Variants in STK32A observed in about 807,000 individuals in gnomAD.
STK32A encodes the protein serine/threonine-protein kinase 32A.
STK32A carries 41 observed loss-of-function variants against 53.2 expected under a neutral mutation model. The ratio of observed to expected loss-of-function variants is 0.77; its 90% CI spans 0.60 to 1.00. STK32A has a LOEUF of 1.00. Ranked by LOEUF, STK32A falls within the 50% of genes least tolerant of loss-of-function variation. STK32A has a pLI of 0.00. For missense variants in STK32A, 458 were observed against 485.8 expected (o/e 0.94, Z 0.54); for synonymous variants, 166 against 162.8 (o/e 1.02, Z -0.15).
intron 4 of STK32A, among the ~76,000 whole-genome samples, chr5:147,307,294 T>C (rs1303649858): frequency 6.6e-6 from 1 of 152,020 alleles, no homozygotes; most frequent in Non-Finnish European, 1.5e-5. Flanking sequence ...AATCTTTTTC[T>C]TTATGCGTAG....
intron 4 of STK32A, among the ~76,000 whole-genome samples, chr5:147,283,493 AT>A (rs1181218956): frequency 6.6e-6 from 1 of 152,026 alleles, no homozygotes; most frequent in Non-Finnish European, 1.5e-5. Context: ...AGAAAGATAA[AT>A]AAAACAAAAA....
intron 4 of STK32A, among the ~76,000 whole-genome samples, chr5:147,303,024 T>C (rs1753215009): frequency 6.6e-6 from 1 of 152,146 alleles, no homozygotes; most frequent in South Asian, 2.1e-4. Context: ...TAGAGGAATC[T>C]ATACAAATTA....
At chr5:147,395,320 A>C in the STK32A span, among the ~76,000 whole-genome samples, 6 of 152,200 alleles carry the variant, frequency 3.9e-5, no homozygotes, top group African/African-American at 1.4e-4. Context: ...TCTAGGCAGA[A>C]TCAGTTACCA....
intron 2 of STK32A, among the ~76,000 whole-genome samples, chr5:147,249,746 C>G (rs1301994422): frequency 6.6e-6 from 1 of 151,572 alleles, no homozygotes. Flanking sequence ...AACCTTGACT[C>G]TACTAAAAAT....
intron 6 of STK32A, among the ~76,000 whole-genome samples, chr5:147,347,015 A>G (rs189141237): frequency 4.6e-5 from 7 of 152,220 alleles, no homozygotes; most frequent in African/African-American, 1.7e-4. Flanking sequence ...TGTAGAATAC[A>G]GTAACTTATC....
intron 4 of STK32A, among the ~76,000 whole-genome samples, chr5:147,295,842 T>TA (rs77093177): frequency 0.29 from 43,444 of 151,170 alleles, 6,439 homozygotes; most frequent in South Asian, 0.51. Context: ...TGAAACAAAG[T>TA]AAAAAAAAAT....
At chr5:147,340,019 T>C (rs1755327104) in intron 5 of STK32A, among the ~76,000 whole-genome samples, 1 of 152,208 alleles carries the variant, frequency 6.6e-6, no homozygotes, top group Non-Finnish European at 1.5e-5. Flanking sequence ...TCCTCCCCAT[T>C]GTAGACCATA....
rs73260265 is a variant in STK32A at position 147,297,265 on chromosome 5, T to C, written c.260+17867T>C. ...ATTTTCAAGGATCTCAGCTTCTCTG[T>C]TGAGCACCTACTCACGGAGGCCCCA... On this transcript the variant is annotated intron_variant, in intron 4 of 12. Transcript: ENST00000397936. Among the ~76,000 whole-genome samples, 777 of 152,288 alleles carry C rather than the reference T, an allele frequency of 5.1e-3. 8 individuals are homozygous for C. The highest frequency in any genetic ancestry group is 0.018 in the African/African-American group (754 of 41,566).
intron 4 of STK32A, among the ~76,000 whole-genome samples, chr5:147,284,104 A>AG (rs1314586889): frequency 1.3e-5 from 2 of 152,194 alleles, no homozygotes; most frequent in East Asian, 3.8e-4. Flanking sequence ...TCAGGGATGC[A>AG]GGAATGGCTT....
At chr5:147,379,075 T>C (rs1757350958) in intron 11 of STK32A, among the ~76,000 whole-genome samples, 1 of 151,520 alleles carries the variant, frequency 6.6e-6, no homozygotes, top group African/African-American at 2.4e-5. Context: ...TTTTTCCATT[T>C]GTTTGTGTCC....
chr5:147,365,789 C>T (rs376494444), intron 8 of STK32A, among the ~76,000 whole-genome samples: 4 of 152,132 alleles, frequency 2.6e-5, no homozygotes, highest in Admixed American at 6.5e-5. Context: ...AACAGACAAA[C>T]GACTATCTGT....
At chr5:147,361,436 C>T in intron 7 of STK32A, 81 bp from the exon 8 acceptor site, 1 of 941,480 alleles carries the variant, frequency 1.1e-6, no homozygotes, top group South Asian at 1.4e-5. Flanking sequence ...CCTGGTAATT[C>T]TCCTTTGGAG....
intron 4 of STK32A, among the ~76,000 whole-genome samples, chr5:147,302,350 C>A (rs1041984816): frequency 1.3e-5 from 2 of 152,112 alleles, no homozygotes; most frequent in Admixed American, 1.3e-4. Flanking sequence ...AGTTTGAGGA[C>A]AAGCCCCCCA....
intron 11 of STK32A, among the ~76,000 whole-genome samples, chr5:147,381,715 T>G (rs1006281334): frequency 6.6e-6 from 1 of 152,166 alleles, no homozygotes; most frequent in African/African-American, 2.4e-5. Flanking sequence ...TTACTTGGGA[T>G]ACACTGTGCC....
chr5:147,339,221 G>A (rs1012806709), intron 5 of STK32A, among the ~76,000 whole-genome samples: 1 of 152,170 alleles, frequency 6.6e-6, no homozygotes, highest in Non-Finnish European at 1.5e-5. Flanking sequence ...CATCCCAGCT[G>A]TTTCTAAAGG....
intron 2 of STK32A, among the ~76,000 whole-genome samples, chr5:147,257,460 A>C (rs1376915988): frequency 6.6e-6 from 1 of 152,184 alleles, no homozygotes; most frequent in African/African-American, 2.4e-5. Flanking sequence ...GGCAAAATTG[A>C]CTTGGTTATG....
intron 4 of STK32A, among the ~76,000 whole-genome samples, chr5:147,314,507 C>CA (rs1299138229): frequency 8.6e-4 from 11 of 12,790 alleles, no homozygotes; most frequent in South Asian, 4.6e-3. Context: ...TCAAAAAAAA[C>CA]AAAAAAAAAC....
At chr5:147,332,484 TC>T (rs1186337595) in intron 5 of STK32A, among the ~76,000 whole-genome samples, 5 of 152,128 alleles carry the variant, frequency 3.3e-5, no homozygotes, top group Non-Finnish European at 7.3e-5. Flanking sequence ...CTAAAAATTA[TC>T]TGATTACTTA....
chr5:147,236,075 T>C (rs1239796158), intron 1 of STK32A, among the ~76,000 whole-genome samples: 1 of 152,214 alleles, frequency 6.6e-6, no homozygotes, highest in African/African-American at 2.4e-5. Context: ...TAATCAAAAG[T>C]TGCAACTTTC....
Sources: gnomAD v4.1 joint callset for allele counts (sites outside exome capture counted in the v4.1 genomes callset) on GRCh38, gnomAD v4.1.1 for gene constraint, MANE v1.5 for transcripts, NCBI Gene and HGNC (gene_info 2026-07-23, HGNC 2026-07-21) for gene names.